The following LBR variants were observed in gnomAD, a reference collection of about 807,000 sequenced individuals.
LBR encodes delta(14)-sterol reductase LBR.
Under a neutral mutation model 74.3 loss-of-function variants are expected in LBR, and 28 were observed. The observed-to-expected ratio is 0.38, with a 90% confidence interval of 0.28 to 0.52. The LOEUF (loss-of-function observed/expected upper bound fraction) is 0.52, where lower values mean the gene tolerates loss of function less well. Ranked by LOEUF, LBR falls within the 20% of genes least tolerant of loss-of-function variation. The pLI, the probability that LBR is intolerant of heterozygous loss-of-function variation, is 0.89. For missense variants in LBR, 717 were observed against 760.3 expected, an observed-to-expected ratio of 0.94 and a Z score of 0.67; for synonymous variants, 228 against 269.3, an observed-to-expected ratio of 0.85 and a Z score of 1.50.
chr1:225,419,614 TA>T (rs1419278217), intron 4 of LBR, 100 bp downstream of exon 4: 3 of 1,075,808 alleles, frequency 2.8e-6, no homozygotes, highest in South Asian at 1.3e-5. Context: ...GAACAGGTTA[TA>T]AAATATTACA....
Position 225,418,125 on chromosome 1 carries a change from C to A in LBR, c.696G>T (p.Met232Ile), listed in dbSNP as rs1164798368. 1.2e-6 allele frequency: 2 copies of A among 1,613,998 alleles called. No homozygotes were observed. Among genetic ancestry groups the A allele is most frequent in the Non-Finnish European group, 1.7e-6 (2 of 1,179,994 alleles). Residue 232 changes from methionine (M) to isoleucine (I), a missense_variant, in exon 6 of 14, where the codon ATG becomes ATT. Physicochemically the swap from Met to Ile is conservative, Grantham distance 10. Transcript: ENST00000272163. Reference protein sequence around the residue: ...LPVFLFLLLLMCKQKDPSLLN... With the variant: ...LPVFLFLLLLICKQKDPSLLN... ...GAAGACTGGGATCTTTCTGTTTACA[C>A]ATCAACAGCAACAGGAAGAGGAACA...
intron 11 of LBR, 190 bp downstream of exon 11, chr1:225,406,474 G>C: frequency 1.8e-6 from 1 of 556,596 alleles, no homozygotes; most frequent in Non-Finnish European, 3.2e-6. Flanking sequence ...AAGTACTACT[G>C]AGAACCCAAG....
chr1:225,420,694 A>G (rs1461389896), intron 3 of LBR, among the ~76,000 whole-genome samples: 2 of 152,106 alleles, frequency 1.3e-5, no homozygotes, highest in African/African-American at 2.4e-5. Context: ...CGGGGTGGTA[A>G]AGAGAGCCAC....
At chr1:225,421,055 A>G (rs1253489771) in intron 3 of LBR, among the ~76,000 whole-genome samples, 1 of 152,248 alleles carries the variant, frequency 6.6e-6, no homozygotes, top group Non-Finnish European at 1.5e-5. Context: ...AGTTACATGT[A>G]TACAATTTAC....
At chr1:225,407,441 C>T (rs956613647) in intron 10 of LBR, among the ~76,000 whole-genome samples, 4 of 152,316 alleles carry the variant, frequency 2.6e-5, no homozygotes, top group Admixed American at 2.0e-4. Flanking sequence ...ATTTCATGTG[C>T]ATTTTCCACA....
At chr1:225,420,081 GTGGA>G (rs1262490215) in intron 3 of LBR, among the ~76,000 whole-genome samples, 1 of 152,170 alleles carries the variant, frequency 6.6e-6, no homozygotes, top group Non-Finnish European at 1.5e-5. Context: ...GCCAAGGCGG[GTGGA>G]TCACCTGAGG....
Position 225,415,348 on chromosome 1 carries a change from A to T in LBR, c.838-16T>A. Reference sequence around the variant, plus strand: ...CTTCTACAACCTTAAAAGAAAAAAAATTTACAAATTTACTAAGCACATCAC... The same window carrying T: ...CTTCTACAACCTTAAAAGAAAAAAATTTTACAAATTTACTAAGCACATCAC... On this transcript the variant is annotated splice_polypyrimidine_tract_variant and intron_variant, in intron 6 of 13. Transcript: ENST00000272163. 7.2e-7 allele frequency: 1 copy of T among 1,397,534 alleles called. No individual in the cohort carries two copies. Among genetic ancestry groups the T allele is most frequent in the South Asian group, 1.2e-5 (1 of 84,592 alleles). The allele number at this position is 1,397,534 out of a possible 1,614,324, so 86.6% of individuals were successfully genotyped here.
chr1:225,412,656 A>C lies in LBR; in HGVS notation c.893-11T>G. ...TAAAAGCATAGAATCCTTTAAAAAAAAAAAAAAAAGGAAGTGGAAAATTAA... is the reference window on the plus strand; with the variant it reads ...TAAAAGCATAGAATCCTTTAAAAAACAAAAAAAAAGGAAGTGGAAAATTAA... On this transcript the variant is annotated splice_polypyrimidine_tract_variant and intron_variant, in intron 7 of 13. Coordinates refer to ENST00000272163, the MANE Select transcript of LBR (RefSeq NM_002296.4). 4 of 1,603,140 alleles carry C rather than the reference A, an allele frequency of 2.5e-6. No individual in the cohort carries two copies. Among genetic ancestry groups the C allele is most frequent in the Non-Finnish European group, 3.4e-6 (4 of 1,175,774 alleles).
chr1:225,406,976 G>C (rs547575662), intron 10 of LBR, 144 bp from the exon 11 acceptor site: 2 of 751,082 alleles, frequency 2.7e-6, no homozygotes, highest in Middle Eastern at 2.6e-4. Context: ...GAGAGATCTG[G>C]TTCCCCTGGC....
chr1:225,420,264 G>A (rs1430950908), intron 3 of LBR, among the ~76,000 whole-genome samples: 1 of 149,484 alleles, frequency 6.7e-6, no homozygotes. Flanking sequence ...AGCCAAGACC[G>A]CGCCATTGCA....
At chr1:225,413,760 C>T (rs2096111025) in intron 7 of LBR, 1 of 339,052 alleles carries the variant, frequency 2.9e-6, no homozygotes, top group Middle Eastern at 1.1e-3. Flanking sequence ...AGTTAATAAT[C>T]GTAAAATCTC....
Position 225,422,537 on chromosome 1 carries a change from A to G in LBR, c.166-260T>C, listed in dbSNP as rs114490617. The G allele has an allele frequency of 7.9e-4, 382 of 483,352 alleles. 1 individual carries two copies. Among genetic ancestry groups the G allele is most frequent in the African/African-American group, 6.6e-3 (340 of 51,418 alleles). The allele number at this position is 483,352 out of a possible 1,614,324, so 29.9% of individuals were successfully genotyped here. On this transcript the variant is annotated intron_variant, in intron 2 of 13. Transcript: ENST00000272163. The stretch of plus-strand genomic sequence containing the variant: ...CCATGAAACGAATGTATCTAAACCA[A>G]TTAGCTGTACTTATTTCCAACACCA...
At chr1:225,428,665 G>C (rs1295883254), upstream of LBR, 1 of 152,212 alleles carries the variant, frequency 6.6e-6, no homozygotes. Flanking sequence ...ACCGGCGGCG[G>C]GAGGGAGGGG....
chr1:225,409,860 T>G (rs2096101022), intron 10 of LBR, among the ~76,000 whole-genome samples: 1 of 152,208 alleles, frequency 6.6e-6, no homozygotes. Context: ...TTCATCTAAT[T>G]AGAGCTAGTC....
chr1:225,421,969 T>TA, intron 3 of LBR, 108 bp downstream of exon 3: 1 of 1,094,334 alleles, frequency 9.1e-7, no homozygotes. Flanking sequence ...GTCATCAACT[T>TA]AGATTTGATG....
intron 6 of LBR, among the ~76,000 whole-genome samples, 184 bp from the exon 7 acceptor site, chr1:225,415,516 G>A (rs546152622): frequency 3.4e-4 from 51 of 152,204 alleles, no homozygotes; most frequent in East Asian, 2.7e-3. Flanking sequence ...CTTTAATGAC[G>A]CAATTCCACC....
upstream of LBR, among the ~76,000 whole-genome samples, chr1:225,428,274 G>T (rs1402639485): frequency 6.6e-6 from 1 of 152,074 alleles, no homozygotes; most frequent in Non-Finnish European, 1.5e-5. Flanking sequence ...GTGAGCGGGG[G>T]AAACCGAGTC....
intron 6 of LBR, 35 bp from the exon 7 acceptor site, chr1:225,415,367 A>G (rs961242535): frequency 8.4e-7 from 1 of 1,184,596 alleles, no homozygotes; most frequent in African/African-American, 1.5e-5. Context: ...TTTACTAAGC[A>G]CATCACCATC....
At chr1:225,414,700 A>C (rs987909836) in intron 7 of LBR, among the ~76,000 whole-genome samples, 4 of 152,232 alleles carry the variant, frequency 2.6e-5, no homozygotes, top group African/African-American at 9.6e-5. Flanking sequence ...TAGCCCATGA[A>C]GCCACATTCT....
Sources: allele counts gnomAD v4.1 joint callset (sites outside exome capture counted in the v4.1 genomes callset), GRCh38; gene constraint gnomAD v4.1.1; transcripts MANE v1.5; gene names NCBI Gene and HGNC (gene_info 2026-07-23, HGNC 2026-07-21).